The following SLC2A9 variants were observed in gnomAD, a reference collection of about 807,000 sequenced individuals.
SLC2A9 encodes solute carrier family 2, facilitated glucose transporter member 9.
A neutral mutation model predicts 50.6 loss-of-function variants in SLC2A9; 39 were observed. The ratio of observed to expected loss-of-function variants is 0.77; its 90% CI spans 0.60 to 1.01. The LOEUF (loss-of-function observed/expected upper bound fraction) is 1.01, where lower values mean the gene tolerates loss of function less well. SLC2A9 is among the 50% of genes least tolerant of loss of function. The pLI, the probability that SLC2A9 is intolerant of heterozygous loss-of-function variation, is 0.00. For missense variants in SLC2A9, 686 were observed against 677.6 expected (o/e 1.01, Z -0.14); for synonymous variants, 324 against 276.9 (o/e 1.17, Z -1.69).
chr4:9,780,907 G>T (rs1446072371), intron 3 of SLC2A9, among the ~76,000 whole-genome samples: 1 of 152,176 alleles, frequency 6.6e-6, no homozygotes, highest in Non-Finnish European at 1.5e-5. Flanking sequence ...GCCCTGCAAA[G>T]AAGAGGCCTC....
chr4:9,918,331 A>C (rs941926922), intron 7 of SLC2A9, among the ~76,000 whole-genome samples: 6 of 152,154 alleles, frequency 3.9e-5, no homozygotes, highest in African/African-American at 1.4e-4. Context: ...TTTGGATGAC[A>C]AGGCAGCAGG....
At chr4:9,932,869 G>A (rs1264336086) in intron 6 of SLC2A9, among the ~76,000 whole-genome samples, 1 of 152,228 alleles carries the variant, frequency 6.6e-6, no homozygotes, top group Non-Finnish European at 1.5e-5. Flanking sequence ...TTAGATTCCA[G>A]CAGTGAGAGG....
At chr4:9,884,020 C>T (rs1179534082) in intron 10 of SLC2A9, among the ~76,000 whole-genome samples, 1 of 152,212 alleles carries the variant, frequency 6.6e-6, no homozygotes, top group African/African-American at 2.4e-5. Context: ...AGACCAGAGA[C>T]ACTCGGGGTT....
intron 5 of SLC2A9, among the ~76,000 whole-genome samples, chr4:9,977,201 G>A (rs934566046): frequency 1.3e-5 from 2 of 152,194 alleles, no homozygotes; most frequent in Admixed American, 6.5e-5. Flanking sequence ...GTACAAATAA[G>A]CCTTCACAGT....
intron 3 of SLC2A9, among the ~76,000 whole-genome samples, chr4:9,994,233 A>C (rs1758214359): frequency 6.6e-6 from 1 of 152,244 alleles, no homozygotes; most frequent in Non-Finnish European, 1.5e-5. Context: ...CATCATTTGA[A>C]AAGTGCAGGT....
chr4:9,786,911 T>C (rs866667461), intron 3 of SLC2A9, among the ~76,000 whole-genome samples: 9 of 152,326 alleles, frequency 5.9e-5, no homozygotes, highest in African/African-American at 2.2e-4. Flanking sequence ...CAACTTCTGG[T>C]GCACAGAGAA....
intron 10 of SLC2A9, among the ~76,000 whole-genome samples, chr4:9,842,009 C>T (rs1728154403): frequency 6.6e-6 from 1 of 152,152 alleles, no homozygotes; most frequent in African/African-American, 2.4e-5. Flanking sequence ...ACAGAATCTC[C>T]TATGCTAGAA....
At chr4:9,947,091 A>C (rs1479539185) in intron 5 of SLC2A9, among the ~76,000 whole-genome samples, 1 of 152,080 alleles carries the variant, frequency 6.6e-6, no homozygotes, top group African/African-American at 2.4e-5. Flanking sequence ...CCTCTTCCCC[A>C]GGCTTGCTAG....
chr4:9,864,149 C>T (rs1199485166), intron 10 of SLC2A9, among the ~76,000 whole-genome samples: 1 of 152,064 alleles, frequency 6.6e-6, no homozygotes, highest in Non-Finnish European at 1.5e-5. Flanking sequence ...TCTTTGGTTT[C>T]TTGGCTTCTT....
At chr4:9,980,511 C>A in intron 5 of SLC2A9, 81 bp downstream of exon 5, 1 of 1,599,738 alleles carries the variant, frequency 6.3e-7, no homozygotes. Context: ...ATACAGGGAC[C>A]AGCTTTTGGA....
At chr4:9,810,763 T>A (rs1392389116) in intron 3 of SLC2A9, among the ~76,000 whole-genome samples, 6 of 152,104 alleles carry the variant, frequency 3.9e-5, no homozygotes, top group Admixed American at 3.9e-4. Context: ...GCTTGGAGAG[T>A]TATGCATTCA....
intron 6 of SLC2A9, among the ~76,000 whole-genome samples, chr4:9,937,778 C>T (rs1231502860): frequency 6.6e-6 from 1 of 152,216 alleles, no homozygotes; most frequent in South Asian, 2.1e-4. Context: ...CTGATCACCC[C>T]GTGGCCTCCT....
intron 10 of SLC2A9, among the ~76,000 whole-genome samples, chr4:9,864,286 C>T (rs1732101939): frequency 1.3e-5 from 2 of 150,528 alleles, no homozygotes; most frequent in Admixed American, 1.3e-4. Context: ...TTCTGGAAGG[C>T]TGGTTTGATT....
intron 6 of SLC2A9, among the ~76,000 whole-genome samples, chr4:9,939,185 T>C (rs1337066879): frequency 6.6e-6 from 1 of 152,108 alleles, no homozygotes; most frequent in Non-Finnish European, 1.5e-5. Flanking sequence ...ATGAGGTGCA[T>C]TGAACAGAGC....
At chr4:9,771,975 C>A (rs1352011988) in intron 1 of SLC2A9, among the ~76,000 whole-genome samples, 1 of 152,158 alleles carries the variant, frequency 6.6e-6, no homozygotes, top group African/African-American at 2.4e-5. Context: ...AGAGATGAGG[C>A]TGGACAAGCA....
intron 3 of SLC2A9, among the ~76,000 whole-genome samples, chr4:9,990,092 T>TGCTCCCCGCTTGGCTGC (rs1560446990): frequency 2.6e-5 from 4 of 152,162 alleles, no homozygotes; most frequent in African/African-American, 9.7e-5. Flanking sequence ...TACTTGGCTG[T>TGCTCCCCGCTTGGCTGC]GCTCCCCGCT....
intron 6 of SLC2A9, among the ~76,000 whole-genome samples, chr4:9,927,432 T>G (rs940061215): frequency 2.0e-5 from 3 of 152,244 alleles, no homozygotes; most frequent in African/African-American, 7.2e-5. Flanking sequence ...CCCGGAGGCC[T>G]CTTCCCTCTT....
At position 9,807,492 on chromosome 4, in the gene SLC2A9, T is replaced by C. The variant is rs1015164602; in HGVS notation, n.421-8251A>G. On this transcript the variant is annotated intron_variant and non_coding_transcript_variant, in intron 3 of 3. Coordinates refer to the SLC2A9 transcript ENST00000503280. ...TGAGACTTGCCACAGACTCTTCCTGTCTGTTTATCAGTTCTCTCCTCTGCT... is the reference window on the plus strand; with the variant it reads ...TGAGACTTGCCACAGACTCTTCCTGCCTGTTTATCAGTTCTCTCCTCTGCT... Among the ~76,000 whole-genome samples, 3 of 152,206 alleles carry C rather than the reference T, an allele frequency of 2.0e-5. No homozygotes were observed. The East Asian group carries it at 5.8e-4, about 29-fold the overall frequency.
chr4:9,999,521 T>C (rs1447268143), intron 2 of SLC2A9, among the ~76,000 whole-genome samples: 1 of 151,996 alleles, frequency 6.6e-6, no homozygotes, highest in Non-Finnish European at 1.5e-5. Context: ...AGAGGGAGAA[T>C]TATGCCAAGA....
Sources: allele counts gnomAD v4.1 joint callset (sites outside exome capture counted in the v4.1 genomes callset), GRCh38; gene constraint gnomAD v4.1.1; transcripts MANE v1.5; gene names NCBI Gene and HGNC (gene_info 2026-07-23, HGNC 2026-07-21).